Variants in REC114 observed in about 807,000 individuals in gnomAD.
REC114 encodes meiotic recombination protein REC114.
Under a neutral mutation model 31.3 loss-of-function variants are expected in REC114, and 27 were observed. The ratio of observed to expected loss-of-function variants is 0.86; its 90% CI spans 0.64 to 1.19. The LOEUF (loss-of-function observed/expected upper bound fraction) is 1.19, where lower values mean the gene tolerates loss of function less well. Ranked by LOEUF, REC114 falls within the 50% of genes most tolerant of loss-of-function variation. The pLI, the probability that REC114 is intolerant of heterozygous loss-of-function variation, is 0.00. For synonymous variants in REC114, 134 were observed against 127.7 expected (o/e 1.05, Z -0.33); for missense variants, 344 against 326.9 (o/e 1.05, Z -0.40).
chr15:73,540,393 A>G (rs1894221414), intron 2 of REC114, 92 bp from the exon 3 acceptor site: 1 of 944,930 alleles, frequency 1.1e-6, no homozygotes, highest in Non-Finnish European at 1.7e-6. Flanking sequence ...ACAATAAACA[A>G]ATATACAACT....
intron 1 of REC114, among the ~76,000 whole-genome samples, chr15:73,468,323 A>G (rs959675176): frequency 1.3e-5 from 2 of 152,104 alleles, no homozygotes; most frequent in African/African-American, 4.8e-5. Flanking sequence ...TTTATCCCTT[A>G]GTATTTTATA....
intron 2 of REC114, among the ~76,000 whole-genome samples, chr15:73,502,567 C>T (rs1297470377): frequency 2.0e-5 from 3 of 152,028 alleles, no homozygotes; most frequent in Non-Finnish European, 4.4e-5. Context: ...GGAAGTGGAT[C>T]ATCATAAAGG....
intron 3 of REC114, among the ~76,000 whole-genome samples, chr15:73,547,395 CAA>C (rs1357191179): frequency 6.6e-6 from 1 of 152,094 alleles, no homozygotes. Flanking sequence ...CAGGCAATAA[CAA>C]ATGCAGGAGA....
At chr15:73,555,738 G>GT (rs1894457635) in intron 4 of REC114, among the ~76,000 whole-genome samples, 1 of 151,110 alleles carries the variant, frequency 6.6e-6, no homozygotes, top group Non-Finnish European at 1.5e-5. Flanking sequence ...GAAGATATCT[G>GT]TAAGTTTTAC....
At chr15:73,547,766 A>G (rs1894329863) in intron 3 of REC114, among the ~76,000 whole-genome samples, 1 of 152,228 alleles carries the variant, frequency 6.6e-6, no homozygotes, top group Non-Finnish European at 1.5e-5. Context: ...CAGAAATACA[A>G]AAATTAATTC....
intron 2 of REC114, 88 bp from the exon 3 acceptor site, chr15:73,540,397 T>C: frequency 5.2e-6 from 5 of 964,648 alleles, no homozygotes; most frequent in South Asian, 2.6e-5. Context: ...TAAACAAATA[T>C]ACAACTTTCT....
intron 2 of REC114, among the ~76,000 whole-genome samples, chr15:73,514,357 G>T (rs1226535698): frequency 6.6e-6 from 1 of 151,814 alleles, no homozygotes; most frequent in Non-Finnish European, 1.5e-5. Context: ...ACTCCCTAGT[G>T]AGATGAACCC....
At chr15:73,454,530 C>T (rs1415237004) in intron 1 of REC114, among the ~76,000 whole-genome samples, 1 of 152,078 alleles carries the variant, frequency 6.6e-6, no homozygotes, top group South Asian at 2.1e-4. Flanking sequence ...ATATTAGAGC[C>T]AGGGGCACTC....
rs1015903352 is a variant in REC114 at position 73,540,414 on chromosome 15, A to G, written c.250-71A>G. 2.9e-6 allele frequency: 3 copies of G among 1,044,694 alleles called. No homozygotes were observed. The African/African-American group carries it at 4.7e-5, about 16-fold the overall frequency. 64.7% of individuals were successfully genotyped at this position (1,044,694 alleles called of 1,614,324 possible). ...AACAAATATACAACTTTCTAACAGG[A>G]AGTAGCTGCAGCCATAGCTATTCTT... On this transcript the variant is annotated intron_variant, in intron 2 of 5. Coordinates refer to ENST00000331090, the MANE Select transcript of REC114 (RefSeq NM_001042367.2).
chr15:73,514,324 C>G (rs990158514), intron 2 of REC114, among the ~76,000 whole-genome samples: 1 of 151,820 alleles, frequency 6.6e-6, no homozygotes, highest in Non-Finnish European at 1.5e-5. Flanking sequence ...CGCGCACCCA[C>G]TGGCCTGCGC....
intron 2 of REC114, among the ~76,000 whole-genome samples, chr15:73,486,813 G>T (rs1156234448): frequency 6.6e-6 from 1 of 152,100 alleles, no homozygotes; most frequent in Admixed American, 6.6e-5. Flanking sequence ...GAGGTGGGCG[G>T]ATCACCTGAG....
At chr15:73,551,478 C>CT (rs1894392267) in intron 4 of REC114, among the ~76,000 whole-genome samples, 2 of 151,944 alleles carry the variant, frequency 1.3e-5, no homozygotes, top group South Asian at 2.1e-4. Flanking sequence ...TATCACTTGC[C>CT]TTTTTCACTG....
chr15:73,493,647 C>T (rs1893476117), intron 2 of REC114, among the ~76,000 whole-genome samples: 1 of 152,134 alleles, frequency 6.6e-6, no homozygotes, highest in Admixed American at 6.5e-5. Flanking sequence ...CATAAGAGAC[C>T]TGGCTAATAT....
intron 2 of REC114, among the ~76,000 whole-genome samples, chr15:73,505,824 G>A (rs1270894005): frequency 2.6e-5 from 4 of 152,102 alleles, no homozygotes; most frequent in African/African-American, 7.2e-5. Context: ...GAGCCACCGC[G>A]CCCGGCCTGC....
At chr15:73,531,669 AGATGAAT>A (rs1373605642) in intron 2 of REC114, among the ~76,000 whole-genome samples, 8 of 152,196 alleles carry the variant, frequency 5.3e-5, no homozygotes, top group Admixed American at 2.0e-4. Flanking sequence ...CTGGGCACAA[AGATGAAT>A]GTACCCCAGT....
intron 2 of REC114, among the ~76,000 whole-genome samples, chr15:73,508,366 T>C (rs1038328599): frequency 6.6e-6 from 1 of 152,030 alleles, no homozygotes; most frequent in Non-Finnish European, 1.5e-5. Context: ...TTTTCTAAAA[T>C]GTTTTCTTCA....
intron 2 of REC114, among the ~76,000 whole-genome samples, chr15:73,476,008 T>C (rs970712253): frequency 1.3e-5 from 2 of 152,160 alleles, no homozygotes; most frequent in African/African-American, 4.8e-5. Flanking sequence ...TACGGTAACA[T>C]GCTTTACAGG....
intron 2 of REC114, among the ~76,000 whole-genome samples, chr15:73,477,148 G>A (rs1029876129): frequency 6.6e-6 from 1 of 152,096 alleles, no homozygotes; most frequent in Non-Finnish European, 1.5e-5. Context: ...TTTGCCATTT[G>A]TATGTCTCAT....
At chr15:73,559,330 G>C (rs1162246365) in intron 5 of REC114, among the ~76,000 whole-genome samples, 1 of 152,222 alleles carries the variant, frequency 6.6e-6, no homozygotes, top group Non-Finnish European at 1.5e-5. Context: ...AATGCAGCTA[G>C]CACATAGTAG....
Sources: allele counts gnomAD v4.1 joint callset (sites outside exome capture counted in the v4.1 genomes callset), GRCh38; gene constraint gnomAD v4.1.1; transcripts MANE v1.5; gene names NCBI Gene and HGNC (gene_info 2026-07-23, HGNC 2026-07-21).